The following ZRANB1 variants were observed in gnomAD, a reference collection of about 807,000 sequenced individuals.
The protein encoded by ZRANB1 is zinc finger RANBP2-type containing 1.
ZRANB1 carries 16 observed loss-of-function variants against 80.5 expected under a neutral mutation model. The observed-to-expected ratio is 0.20, with a 90% CI of 0.13 to 0.30. The LOEUF is 0.30. Ranked by LOEUF, ZRANB1 falls within the 10% of genes least tolerant of loss-of-function variation. ZRANB1 has a pLI of 1.00. For synonymous variants in ZRANB1, 291 were observed against 293.1 expected (o/e 0.99, Z 0.07); for missense variants, 576 against 862.6 (o/e 0.67, Z 4.16).
In ZRANB1 at chr10:124,986,120, A is replaced by C. The variant is rs1046373; in HGVS notation, c.*1128A>C. 0.64 allele frequency: 97,198 copies of C among 152,530 alleles called. 32,844 individuals are homozygous for C. Among genetic ancestry groups the C allele is most frequent in the Non-Finnish European group, 0.75 (51,197 of 67,994 alleles). The allele number at this position is 152,530 out of a possible 1,614,324, so 9.4% of individuals were successfully genotyped here. On this transcript the variant is annotated 3_prime_UTR_variant, in exon 9 of 9. Transcript: ENST00000359653. ...GTTAAAACTATAATCTTAGGTAGAA[A>C]AACTTTTTTATAAGAAGTATTATTT...
intron 1 of ZRANB1, among the ~76,000 whole-genome samples, chr10:124,960,019 C>T (rs113700332): frequency 3.9e-5 from 6 of 152,222 alleles, no homozygotes; most frequent in African/African-American, 9.6e-5. Context: ...GTTTAGAAAG[C>T]CAGATTTTTG....
At chr10:124,975,026 T>C (rs1308070303) in intron 5 of ZRANB1, among the ~76,000 whole-genome samples, 1 of 152,216 alleles carries the variant, frequency 6.6e-6, no homozygotes, top group African/African-American at 2.4e-5. Context: ...TTGATAATCC[T>C]GATCTCAAGC....
At chr10:124,920,007 C>T in the ZRANB1 span, among the ~76,000 whole-genome samples, 2 of 149,522 alleles carry the variant, frequency 1.3e-5, no homozygotes, top group East Asian at 4.0e-4. Flanking sequence ...ACAACCTCCG[C>T]CTCCCGGGTT....
At chr10:124,972,488 G>A (rs796393020) in intron 3 of ZRANB1, among the ~76,000 whole-genome samples, 6 of 152,194 alleles carry the variant, frequency 3.9e-5, no homozygotes, top group African/African-American at 1.4e-4. Flanking sequence ...AAATTAGATA[G>A]CTATATTGGT....
the ZRANB1 span, among the ~76,000 whole-genome samples, chr10:124,921,074 C>T: frequency 6.6e-6 from 1 of 152,120 alleles, no homozygotes; most frequent in Non-Finnish European, 1.5e-5. Flanking sequence ...CAGCATACTT[C>T]TTTGCCCTGT....
At chr10:124,921,281 T>A in the ZRANB1 span, among the ~76,000 whole-genome samples, 1 of 152,224 alleles carries the variant, frequency 6.6e-6, no homozygotes. Flanking sequence ...AGCCTCAGTT[T>A]GTATTCTTAA....
At chr10:124,918,781 T>A in the ZRANB1 span, among the ~76,000 whole-genome samples, 1 of 152,228 alleles carries the variant, frequency 6.6e-6, no homozygotes, top group African/African-American at 2.4e-5. Context: ...AAATTTAGAA[T>A]CCTATTGACT....
chr10:124,940,385 C>T (rs186211706), upstream of ZRANB1: 375 of 586,680 alleles, frequency 6.4e-4, 1 homozygote, highest in Non-Finnish European at 8.9e-4. Context: ...AATAGCTATT[C>T]AGTCAGACAG....
At chr10:124,969,347 C>A (rs1951802007) in intron 2 of ZRANB1, among the ~76,000 whole-genome samples, 1 of 152,132 alleles carries the variant, frequency 6.6e-6, no homozygotes, top group South Asian at 2.1e-4. Flanking sequence ...GTCATGGATT[C>A]AGTCTCCATG....
intron 1 of ZRANB1, among the ~76,000 whole-genome samples, chr10:124,965,192 G>A (rs1951766906): frequency 1.3e-5 from 2 of 152,198 alleles, no homozygotes; most frequent in South Asian, 4.1e-4. Context: ...TGGAGGTGGG[G>A]CATTTGTAGC....
the ZRANB1 span, among the ~76,000 whole-genome samples, chr10:124,934,409 C>T: frequency 6.6e-6 from 1 of 152,130 alleles, no homozygotes; most frequent in African/African-American, 2.4e-5. Context: ...TAATTTAGGA[C>T]TTTTAGAAGA....
intron 5 of ZRANB1, among the ~76,000 whole-genome samples, chr10:124,980,351 C>T (rs1259656151): frequency 6.6e-6 from 1 of 152,050 alleles, no homozygotes; most frequent in African/African-American, 2.4e-5. Context: ...ATTGAACCTC[C>T]CTTCTTCAGT....
intron 1 of ZRANB1, among the ~76,000 whole-genome samples, chr10:124,951,027 TACAC>T (rs998574040): frequency 6.7e-6 from 1 of 149,506 alleles, no homozygotes; most frequent in Non-Finnish European, 1.5e-5. Flanking sequence ...TGGTTTTACT[TACAC>T]ACCTTGTTTA....
At chr10:124,964,882 TAAAATA>T (rs1050389264) in intron 1 of ZRANB1, among the ~76,000 whole-genome samples, 1 of 152,152 alleles carries the variant, frequency 6.6e-6, no homozygotes, top group African/African-American at 2.4e-5. Flanking sequence ...CAGTCCTAAA[TAAAATA>T]AAACTGCATT....
chr10:124,978,780 A>C (rs1951904127), intron 5 of ZRANB1, among the ~76,000 whole-genome samples: 1 of 146,914 alleles, frequency 6.8e-6, no homozygotes, highest in Non-Finnish European at 1.5e-5. Context: ...GCACATGCCA[A>C]CATTCCCAGC....
At chr10:124,940,217 T>G (rs1186824202), upstream of ZRANB1, among the ~76,000 whole-genome samples, 1 of 152,210 alleles carries the variant, frequency 6.6e-6, no homozygotes, top group Admixed American at 6.5e-5. Context: ...ATTAGCCAAT[T>G]TTATTGTTTT....
chr10:124,929,944 CAA>C, the ZRANB1 span, among the ~76,000 whole-genome samples: 389 of 87,780 alleles, frequency 4.4e-3, 1 homozygote, highest in African/African-American at 0.015. Flanking sequence ...GACTCTGTCT[CAA>C]AAAAAAAAAA....
intron 8 of ZRANB1, 105 bp from the exon 9 acceptor site, chr10:124,984,669 C>A: frequency 8.7e-7 from 1 of 1,154,506 alleles, no homozygotes; most frequent in Non-Finnish European, 1.2e-6. Context: ...ATTGCTTTGG[C>A]CTTTTCATGA....
chr10:124,919,638 GTCTC>G, the ZRANB1 span, among the ~76,000 whole-genome samples: 2 of 118,702 alleles, frequency 1.7e-5, no homozygotes, highest in African/African-American at 3.4e-5. Flanking sequence ...TTGAGATGTA[GTCTC>G]TCTCTGTCAC....
Sources: allele counts gnomAD v4.1 joint callset (sites outside exome capture counted in the v4.1 genomes callset), GRCh38; gene constraint gnomAD v4.1.1; transcripts MANE v1.5; gene names NCBI Gene and HGNC (gene_info 2026-07-23, HGNC 2026-07-21).